LRTM3: variants seen among roughly 807,000 people sequenced by gnomAD.
LRTM3 encodes the protein leucine-rich repeat transmembrane protein 3.
chr13:102,744,944 C>T, the LRTM3 span: 38 of 1,550,608 alleles, frequency 2.5e-5, no homozygotes, highest in African/African-American at 3.3e-4. Context: ...TGGTACACCA[C>T]GTTTTATTGC....
chr13:102,740,286 G>A, the LRTM3 span: 1 of 1,550,062 alleles, frequency 6.5e-7, no homozygotes, highest in South Asian at 1.2e-5. Flanking sequence ...ATTGAATCTT[G>A]TTTTTTCATC....
the LRTM3 span, chr13:102,735,640 T>G: frequency 6.4e-7 from 1 of 1,551,170 alleles, no homozygotes; most frequent in African/African-American, 1.4e-5. Context: ...CTTCCATATC[T>G]ATTCTGAGTC....
At chr13:102,740,662 C>T in the LRTM3 span, 1 of 1,548,246 alleles carries the variant, frequency 6.5e-7, no homozygotes, top group Non-Finnish European at 8.7e-7. Flanking sequence ...CATCTAATTT[C>T]TCTTGTTGCA....
the LRTM3 span, chr13:102,739,953 C>T: frequency 1.9e-6 from 3 of 1,550,396 alleles, no homozygotes; most frequent in South Asian, 3.6e-5. Context: ...TGTGAAAATA[C>T]TGATTTCTTC....
the LRTM3 span, chr13:102,741,695 T>G: frequency 6.4e-7 from 1 of 1,550,412 alleles, no homozygotes; most frequent in Non-Finnish European, 8.7e-7. Context: ...AAATATATTC[T>G]GTCCTTTTGA....
the LRTM3 span, chr13:102,743,754 C>G: frequency 5.1e-4 from 787 of 1,550,150 alleles, 3 homozygotes; most frequent in African/African-American, 9.5e-3. Flanking sequence ...CTGGTAGACT[C>G]TCTATTGATT....
the LRTM3 span, among the ~76,000 whole-genome samples, chr13:102,752,038 T>G: frequency 1.2e-4 from 19 of 152,232 alleles, no homozygotes; most frequent in South Asian, 3.9e-3. Context: ...AATGACCAGA[T>G]GCTGCCCCTC....
At chr13:102,737,785 C>G in the LRTM3 span, 28 of 1,550,640 alleles carry the variant, frequency 1.8e-5, no homozygotes, top group Non-Finnish European at 1.7e-6. Flanking sequence ...ATTTCTGGTG[C>G]CTTGGTTGTA....
At chr13:102,732,624 T>A in the LRTM3 span, 1 of 1,551,220 alleles carries the variant, frequency 6.4e-7, no homozygotes, top group Non-Finnish European at 8.7e-7. Flanking sequence ...CTATGAGTGA[T>A]GACTTGAGTC....
the LRTM3 span, among the ~76,000 whole-genome samples, chr13:102,755,180 C>CT: frequency 5.3e-5 from 8 of 152,314 alleles, no homozygotes; most frequent in South Asian, 1.7e-3. Context: ...CCTCACACCA[C>CT]TACACCTGCA....
chr13:102,736,127 A>C, the LRTM3 span: 1 of 1,541,922 alleles, frequency 6.5e-7, no homozygotes, highest in African/African-American at 1.4e-5. Flanking sequence ...TGAATTTGCA[A>C]GTCTGCTTTT....
the LRTM3 span, chr13:102,736,293 G>T: frequency 2.6e-6 from 4 of 1,551,044 alleles, no homozygotes; most frequent in Non-Finnish European, 3.5e-6. Flanking sequence ...CCCCACTGTG[G>T]CTCCTTTCTC....
the LRTM3 span, chr13:102,740,410 T>C: frequency 6.5e-7 from 1 of 1,550,234 alleles, no homozygotes; most frequent in African/African-American, 1.4e-5. Flanking sequence ...AATTACCTCC[T>C]TCTGATAATG....
At chr13:102,744,504 G>A in the LRTM3 span, 15 of 1,550,478 alleles carry the variant, frequency 9.7e-6, no homozygotes, top group Non-Finnish European at 1.2e-5. Context: ...TCTTGCATAT[G>A]AGGACTTTGT....
chr13:102,744,752 T>C, the LRTM3 span: 1 of 1,550,778 alleles, frequency 6.4e-7, no homozygotes, highest in East Asian at 2.4e-5. Flanking sequence ...CCTTTCATGT[T>C]GTACATTCAT....
the LRTM3 span, chr13:102,742,475 T>C: frequency 1.9e-6 from 3 of 1,549,688 alleles, no homozygotes; most frequent in South Asian, 1.2e-5. Context: ...GTCTGCAGTT[T>C]TAAATTCTTT....
At chr13:102,749,591 T>C in the LRTM3 span, 1 of 1,551,412 alleles carries the variant, frequency 6.4e-7, no homozygotes, top group Non-Finnish European at 8.7e-7. Flanking sequence ...TTCAACAAAA[T>C]GTTGGTTCCT....
At chr13:102,750,512 A>G in the LRTM3 span, 1 of 592,528 alleles carries the variant, frequency 1.7e-6, no homozygotes, top group Non-Finnish European at 2.8e-6. Flanking sequence ...TAAATTGGAA[A>G]ATCATTATCC....
the LRTM3 span, chr13:102,737,340 C>A: frequency 1.3e-6 from 2 of 1,550,996 alleles, no homozygotes; most frequent in Admixed American, 3.9e-5. Flanking sequence ...TGTAAGTCTT[C>A]CTCTCCTTCT....
Sources: allele counts gnomAD v4.1 joint callset (sites outside exome capture counted in the v4.1 genomes callset), GRCh38; gene constraint gnomAD v4.1.1; transcripts MANE v1.5; gene names NCBI Gene and HGNC (gene_info 2026-07-23, HGNC 2026-07-21).